The following PAX5 variants were observed in gnomAD, a reference collection of about 807,000 sequenced individuals.
PAX5 encodes the protein paired box 5.
In PAX5, 9 loss-of-function variants were observed where a neutral mutation model predicts 43.7. The observed-to-expected ratio is 0.21, with a 90% CI of 0.12 to 0.36. PAX5 has a LOEUF of 0.36. Ranked by LOEUF, PAX5 falls within the 10% of genes least tolerant of loss-of-function variation. PAX5 has a pLI of 1.00. For missense variants in PAX5, 383 were observed against 532.7 expected (o/e 0.72, Z 2.77); for synonymous variants, 228 against 214.3 (o/e 1.06, Z -0.56).
rs1835705850 is a variant in PAX5, at chr9:36,979,179, C to G, written c.605-12455G>C. ...ACTGGCTCGACTCCTCTTGGATACA[C>G]AGAGATCAGCCTCTGTCTGCCAACG... On this transcript the variant is annotated intron_variant, in intron 5 of 9. Transcript: ENST00000358127. 2.0e-5 allele frequency among the ~76,000 whole-genome samples: 3 copies of G among 152,180 alleles called. No individual in the cohort carries two copies. The South Asian group carries it at 6.2e-4, about 32-fold the overall frequency.
At position 36,850,621 on chromosome 9, in the gene PAX5, C is replaced by G. The variant is rs1027719545; in HGVS notation, c.1013-3692G>C. On this transcript the variant is annotated intron_variant, in intron 8 of 9. Coordinates refer to ENST00000358127, the MANE Select transcript of PAX5 (RefSeq NM_016734.3). ...TTTTGGCATCTCTCAAAAATACTAA[C>G]CCCTGGAATTGGGAAACTTTTCTTT... 5.9e-5 allele frequency among the ~76,000 whole-genome samples: 9 copies of G among 152,276 alleles called. No individual in the cohort carries two copies. The South Asian group carries it at 1.9e-3, about 32-fold the overall frequency.
chr9:36,948,983 A>G (rs2132097423), intron 6 of PAX5, among the ~76,000 whole-genome samples: 1 of 152,322 alleles, frequency 6.6e-6, no homozygotes, highest in Admixed American at 6.5e-5. Flanking sequence ...AGTACCTACT[A>G]TGGGCTGAAC....
chr9:36,894,688 C>T (rs62534684), intron 7 of PAX5, among the ~76,000 whole-genome samples: 8,464 of 152,332 alleles, frequency 0.056, 376 homozygotes, highest in Admixed American at 0.079. Context: ...GGTAAGGCCC[C>T]TAGCACAGGG....
intron 7 of PAX5, among the ~76,000 whole-genome samples, chr9:36,887,616 T>G (rs888212297): frequency 3.9e-5 from 6 of 152,198 alleles, no homozygotes; most frequent in Admixed American, 1.3e-4. Flanking sequence ...TGAAACCAGA[T>G]GCACACACAC....
intron 1 of PAX5, among the ~76,000 whole-genome samples, chr9:37,028,294 G>A (rs567012391): frequency 7.0e-4 from 107 of 152,174 alleles, no homozygotes; most frequent in African/African-American, 2.5e-3. Context: ...TTTACTGAAG[G>A]CTCCTTCCAC....
chr9:36,864,828 C>T (rs1178863218), intron 8 of PAX5, among the ~76,000 whole-genome samples: 1 of 152,186 alleles, frequency 6.6e-6, no homozygotes, highest in Non-Finnish European at 1.5e-5. Context: ...GAGGGTGGGC[C>T]GGCGCCGGAG....
At chr9:36,884,384 A>C (rs991501681) in intron 7 of PAX5, among the ~76,000 whole-genome samples, 1 of 152,222 alleles carries the variant, frequency 6.6e-6, no homozygotes, top group African/African-American at 2.4e-5. Context: ...TAAAGGAAGA[A>C]AATCATATGA....
chr9:36,986,424 G>A (rs1836425011), intron 5 of PAX5, among the ~76,000 whole-genome samples: 1 of 151,714 alleles, frequency 6.6e-6, no homozygotes, highest in East Asian at 1.9e-4. Flanking sequence ...AATTGACTTA[G>A]ACTGATTGGC....
At chr9:36,866,828 C>A (rs564961379) in intron 8 of PAX5, among the ~76,000 whole-genome samples, 2 of 152,048 alleles carry the variant, frequency 1.3e-5, no homozygotes, top group African/African-American at 4.8e-5. Flanking sequence ...CAGTGATGGA[C>A]GGAAAAGCAG....
rs375170489 is a variant in PAX5 at position 36,843,447 on chromosome 9, AGCATGCAT to A, written c.1100-2819_1100-2812del. Among the ~76,000 whole-genome samples the A allele has an allele frequency of 1.4e-3, 214 of 152,246 alleles. 1 individual carries two copies. Among genetic ancestry groups the A allele is most frequent in the African/African-American group, 4.7e-3 (195 of 41,548 alleles). ...TCCTCTGCCCTGCACATCTCAAGAG[AGCATGCAT>A]GCAGCTCCTGTTGGAATGAGGCTGC... On this transcript the variant is annotated intron_variant, in intron 9 of 9. Transcript: ENST00000358127.
At chr9:36,967,627 A>G (rs1056254834) in intron 5 of PAX5, among the ~76,000 whole-genome samples, 4 of 152,240 alleles carry the variant, frequency 2.6e-5, no homozygotes, top group African/African-American at 4.8e-5. Context: ...TTTTGTGTAA[A>G]AAAGGAAGAA....
At chr9:36,873,437 T>G (rs1032895141) in intron 8 of PAX5, among the ~76,000 whole-genome samples, 1 of 152,230 alleles carries the variant, frequency 6.6e-6, no homozygotes, top group African/African-American at 2.4e-5. Context: ...AAGTCTGTGT[T>G]CCTGCTGTGG....
In PAX5 at chr9:36,840,591, G is replaced by C; in HGVS notation, c.1145C>G (p.Pro382Arg). ...YSAAARGAAP[P>R]AAATAYDRH ...ACGGTCATAGGCAGTGGCGGCTGCAGGTGGGGCGGCTCCTCGGGCGGCAGC... is the reference window on the plus strand; with the variant it reads ...ACGGTCATAGGCAGTGGCGGCTGCACGTGGGGCGGCTCCTCGGGCGGCAGC... Residue 382 changes from proline (P) to arginine (R), a missense_variant, in exon 10 of 10, where the codon CCT becomes CGT. Pro to Arg is a moderately radical substitution (Grantham distance 103). Around this residue, in one of 5 missense-constraint regions of PAX5, gnomAD observed 291 missense variants for 342.5 expected, o/e 0.85. Transcript: ENST00000358127. 6.3e-7 allele frequency: 1 copy of C among 1,585,250 alleles called. No individual in the cohort carries two copies. The highest frequency in any genetic ancestry group is 8.6e-7 in the Non-Finnish European group (1 of 1,166,922).
chr9:36,972,134 A>G (rs1490029015), intron 5 of PAX5, among the ~76,000 whole-genome samples: 5 of 152,262 alleles, frequency 3.3e-5, no homozygotes, highest in Non-Finnish European at 5.9e-5. Context: ...TGGAGGCTGA[A>G]GAGCCCCAGG....
intron 2 of PAX5, among the ~76,000 whole-genome samples, chr9:37,019,508 C>T (rs1588245467): frequency 6.6e-6 from 1 of 152,184 alleles, no homozygotes; most frequent in Admixed American, 6.5e-5. Flanking sequence ...AACAAGCAGC[C>T]TCCCCAAGGT....
At chr9:36,986,678 G>A (rs1162312857) in intron 5 of PAX5, among the ~76,000 whole-genome samples, 1 of 152,114 alleles carries the variant, frequency 6.6e-6, no homozygotes, top group Non-Finnish European at 1.5e-5. Flanking sequence ...CCCGGCCGGT[G>A]GGCGGGAGCT....
intron 7 of PAX5, among the ~76,000 whole-genome samples, chr9:36,907,784 A>T (rs1012518104): frequency 2.0e-5 from 3 of 152,244 alleles, no homozygotes; most frequent in African/African-American, 7.2e-5. Flanking sequence ...TATGCACAGC[A>T]AAGGTTCTGG....
In PAX5 at chr9:36,859,525, G is replaced by A. The variant is rs532613844; in HGVS notation, c.1013-12596C>T. 4.6e-5 allele frequency among the ~76,000 whole-genome samples: 7 copies of A among 152,186 alleles called. 1 individual carries two copies. The South Asian group carries it at 1.5e-3, about 32-fold the overall frequency. ...CCCCTCTCCTTCAGCGTCTGCACCC[G>A]ACATTCATTCCTTTGGGGTTCTCTC... On this transcript the variant is annotated intron_variant, in intron 8 of 9. Transcript: ENST00000358127.
intron 7 of PAX5, among the ~76,000 whole-genome samples, chr9:36,898,158 C>T (rs1354546608): frequency 6.6e-6 from 1 of 152,178 alleles, no homozygotes; most frequent in Admixed American, 6.5e-5. Context: ...AGGCAGTCTT[C>T]TGGTTAAAAC....
Sources: allele counts gnomAD v4.1 joint callset (sites outside exome capture counted in the v4.1 genomes callset), GRCh38; gene constraint gnomAD v4.1.1; regional missense constraint gnomAD v4.1.1; transcripts MANE v1.5; gene names NCBI Gene and HGNC (gene_info 2026-07-23, HGNC 2026-07-21).